The following TXLNG variants were observed in gnomAD, a reference collection of about 807,000 sequenced individuals.
TXLNG encodes gamma-taxilin.
TXLNG carries 5 observed loss-of-function variants against 38.8 expected under a neutral mutation model. That is an observed-to-expected ratio of 0.13 (90% CI 0.07 to 0.27). TXLNG has a LOEUF of 0.27. Among genes scored for constraint, TXLNG ranks in the 10% least tolerant of loss-of-function variants. TXLNG has a pLI of 1.00. For synonymous variants in TXLNG, 182 were observed against 158.2 expected (o/e 1.15, Z -1.13); for missense variants, 393 against 398.2 (o/e 0.99, Z 0.11).
At chrX:16,832,156 A>G in intron 5 of TXLNG, among the ~76,000 whole-genome samples, 1 of 112,389 alleles carries the variant, frequency 8.9e-6, no homozygotes, top group Middle Eastern at 4.6e-3. Context: ...CACACTGGCC[A>G]GGATTTGACC....
chrX:16,841,444 A>G lies in TXLNG; in HGVS notation c.1265A>G (p.Lys422Arg), dbSNP rs762565648. ...TTCTTACAGAAAACAGTCCGTGATA[A>G]AGAGTACAAGGCCCTTCAAATAAAA... Reference protein sequence around the residue: ...QMAEEKTVRDKEYKALQIKLE... With the variant: ...QMAEEKTVRDREYKALQIKLE... Residue 422 changes from lysine (K) to arginine (R), a missense_variant, in exon 10 of 10, where the codon AAA becomes AGA. By Grantham distance (26) the Lys-to-Arg change is conservative. Transcript: ENST00000380122. 7 of 1,203,199 alleles carry G rather than the reference A, an allele frequency of 5.8e-6. No homozygotes were observed. In the South Asian group the frequency reaches 7.2e-5, roughly 12 times the overall value.
chrX:16,839,723 G>C (rs1368805051), intron 8 of TXLNG, 98 bp from the exon 9 acceptor site: 10 of 540,872 alleles, frequency 1.8e-5, no homozygotes, highest in Admixed American at 3.4e-5. Context: ...GTGCAGGGAT[G>C]GGGGAGGGGA....
At chrX:16,820,882 C>T (rs1477361111) in intron 3 of TXLNG, among the ~76,000 whole-genome samples, 3 of 111,134 alleles carry the variant, frequency 2.7e-5, no homozygotes, top group Non-Finnish European at 5.7e-5. Flanking sequence ...CATTCTCCTG[C>T]CTCAACCTCC....
In TXLNG at chrX:16,836,348, C is replaced by T. The variant is rs916622854; in HGVS notation, c.1060-1245C>T. On this transcript the variant is annotated intron_variant, in intron 7 of 9. Transcript: ENST00000380122. ...TGCGTGAGCACCACTCTTGCCCCAACTCCAGGCCTGTCATGTCAGAGGCCC... is the reference window on the plus strand; with the variant it reads ...TGCGTGAGCACCACTCTTGCCCCAATTCCAGGCCTGTCATGTCAGAGGCCC... Among the ~76,000 whole-genome samples the T allele has an allele frequency of 3.6e-5, 4 of 112,554 alleles. No individual in the cohort carries two copies. The East Asian group carries it at 8.4e-4, about 24-fold the overall frequency.
At chrX:16,837,977 A>T (rs771366884) in intron 8 of TXLNG, among the ~76,000 whole-genome samples, 6 of 111,688 alleles carry the variant, frequency 5.4e-5, no homozygotes, top group Non-Finnish European at 7.5e-5. Flanking sequence ...GTTTGTTTTA[A>T]CCACTTTAGA....
At chrX:16,841,127 A>G (rs889994759) in intron 9 of TXLNG, among the ~76,000 whole-genome samples, 7 of 108,802 alleles carry the variant, frequency 6.4e-5, no homozygotes, top group Non-Finnish European at 1.1e-4. Flanking sequence ...CCCAGGAGGC[A>G]GAGGTTGCAG....
At chrX:16,804,307 G>A (rs980278021) in intron 1 of TXLNG, among the ~76,000 whole-genome samples, 3 of 112,053 alleles carry the variant, frequency 2.7e-5, no homozygotes, top group African/African-American at 6.5e-5. Flanking sequence ...ATGGTTGGCC[G>A]TTATTTAACC....
chrX:16,786,954 C>T (rs1013869146), intron 1 of TXLNG, among the ~76,000 whole-genome samples: 9 of 112,730 alleles, frequency 8.0e-5, no homozygotes, highest in Non-Finnish European at 5.7e-5. Context: ...CCAGTCACCG[C>T]CGTCACCGTG....
Position 16,832,758 on chromosome X carries a change from T to TA in TXLNG, c.984+21dup. The TA allele has an allele frequency of 5.1e-6, 6 of 1,173,354 alleles. No homozygotes were observed. The highest frequency in any genetic ancestry group is 5.7e-6 in the Non-Finnish European group (5 of 880,915). On this transcript the variant is annotated intron_variant, in intron 6 of 9. Transcript: ENST00000380122. The stretch of plus-strand genomic sequence containing the variant: ...GAGAGAGTTTGTAAGTTCTACTTCT[T>TA]AAAAACAAAGACATTATTGCCAACA...
chrX:16,807,243 C>CTTTTTTGAT (rs1928366692), intron 1 of TXLNG, among the ~76,000 whole-genome samples: 1 of 112,170 alleles, frequency 8.9e-6, no homozygotes, highest in Non-Finnish European at 1.9e-5. Context: ...AAAAATTCTA[C>CTTTTTTGAT]GTATCTTTCA....
chrX:16,839,692 G>A, intron 8 of TXLNG, 129 bp from the exon 9 acceptor site: 1 of 427,225 alleles, frequency 2.3e-6, no homozygotes, highest in South Asian at 5.2e-5. Flanking sequence ...GACACACACA[G>A]CTGTCAGCTG....
At position 16,839,776 on chromosome X, in the gene TXLNG, A is replaced by G. The variant is rs771142672; in HGVS notation, c.1153-45A>G. 3.0e-6 allele frequency: 3 copies of G among 996,884 alleles called. No homozygotes were observed. In the African/African-American group the frequency reaches 5.7e-5, roughly 19 times the overall value. 82.2% of individuals were successfully genotyped at this position (996,884 alleles called of 1,213,427 possible). On this transcript the variant is annotated intron_variant, in intron 8 of 9. Transcript: ENST00000380122. ...TTGTGTACTGGGACAGGGAGTAGAG[A>G]TAAGGAAGGGAACTTAGAATTTAAA...
chrX:16,830,778 A>G, intron 5 of TXLNG, among the ~76,000 whole-genome samples: 1 of 104,930 alleles, frequency 9.5e-6, no homozygotes. Flanking sequence ...AAGCTTAACA[A>G]AAAGTAGAGA....
chrX:16,838,369 C>T (rs1569273414), intron 8 of TXLNG, among the ~76,000 whole-genome samples: 1 of 111,872 alleles, frequency 8.9e-6, no homozygotes, highest in African/African-American at 3.3e-5. Flanking sequence ...GTGCCTGGCA[C>T]TTTGTTAGCA....
At chrX:16,839,663 G>A (rs1006370789) in intron 8 of TXLNG, among the ~76,000 whole-genome samples, 158 bp from the exon 9 acceptor site, 4 of 111,196 alleles carry the variant, frequency 3.6e-5, no homozygotes, top group African/African-American at 1.3e-4. Context: ...CGACAGGCAG[G>A]CACAGCTACT....
At chrX:16,825,596 T>G (rs764485924) in intron 3 of TXLNG, among the ~76,000 whole-genome samples, 1 of 111,922 alleles carries the variant, frequency 8.9e-6, no homozygotes, top group South Asian at 3.7e-4. Context: ...CAGGCTGGAG[T>G]GCAGTGGCGC....
In TXLNG at chrX:16,815,979, T is replaced by C. The variant is rs779409323; in HGVS notation, c.103-2595T>C. 3.6e-5 allele frequency among the ~76,000 whole-genome samples: 4 copies of C among 111,611 alleles called. No individual in the cohort carries two copies. The South Asian group carries it at 1.5e-3, about 41-fold the overall frequency. On this transcript the variant is annotated intron_variant, in intron 1 of 9. Transcript: ENST00000380122. ...ATTAGAGGCGAAACTAGTAGTTACA[T>C]GTGAAATGTAGCATTGAATTATCAC... is the stretch of plus-strand genomic sequence containing the variant.
intron 6 of TXLNG, 92 bp from the exon 7 acceptor site, chrX:16,834,191 A>T: frequency 1.3e-6 from 1 of 756,537 alleles, no homozygotes. Context: ...TTCTTGCTAA[A>T]ATAGAAGGAT....
intron 1 of TXLNG, among the ~76,000 whole-genome samples, chrX:16,801,553 A>G (rs1434451250): frequency 8.9e-6 from 1 of 111,752 alleles, no homozygotes; most frequent in African/African-American, 3.3e-5. Context: ...GCTTACCTGA[A>G]GTCTAGTCCC....
Sources: gnomAD v4.1 joint callset for allele counts (sites outside exome capture counted in the v4.1 genomes callset) on GRCh38, gnomAD v4.1.1 for gene constraint, MANE v1.5 for transcripts, NCBI Gene and HGNC (gene_info 2026-07-23, HGNC 2026-07-21) for gene names.